The following SNX14 variants were observed in gnomAD, a reference collection of about 807,000 sequenced individuals.
The protein encoded by SNX14 is sorting nexin-14.
In SNX14, 93 loss-of-function variants were observed where a neutral mutation model predicts 133.8. That is an observed-to-expected ratio of 0.70 (90% CI 0.59 to 0.83). The LOEUF (loss-of-function observed/expected upper bound fraction) is 0.83. Ranked by LOEUF, SNX14 falls within the 40% of genes least tolerant of loss-of-function variation. The pLI is 0.00. For synonymous variants in SNX14, 368 were observed against 365.6 expected, an observed-to-expected ratio of 1.01 and a Z score of -0.07; for missense variants, 945 against 1,094.9, an observed-to-expected ratio of 0.86 and a Z score of 1.93.
intron 13 of SNX14, 53 bp from the exon 14 acceptor site, chr6:85,543,359 C>G (rs889964983): frequency 2.8e-6 from 4 of 1,451,860 alleles, no homozygotes; most frequent in Non-Finnish European, 3.7e-6. Flanking sequence ...TAAATATATA[C>G]AGTTCTAAAA....
At chr6:85,581,737 T>C (rs1477434870) in intron 1 of SNX14, 1 of 152,106 alleles carries the variant, frequency 6.6e-6, no homozygotes, top group Non-Finnish European at 1.5e-5. Context: ...CTCTTAATAG[T>C]AGAAGTGATC....
At chr6:85,507,918 C>T (rs778343684) in intron 27 of SNX14, 50 bp downstream of exon 27, 18 of 1,461,526 alleles carry the variant, frequency 1.2e-5, no homozygotes, top group East Asian at 4.6e-5. Context: ...CTTACTACGT[C>T]GTTCACCAAA....
intron 20 of SNX14, among the ~76,000 whole-genome samples, chr6:85,527,560 A>T (rs754972401): frequency 7.9e-5 from 12 of 152,112 alleles, no homozygotes; most frequent in Non-Finnish European, 1.5e-4. Flanking sequence ...AAAATATAAA[A>T]TTCCATGCCC....
intron 6 of SNX14, 27 bp from the exon 7 acceptor site, chr6:85,558,087 T>A: frequency 8.7e-7 from 1 of 1,150,434 alleles, no homozygotes; most frequent in Non-Finnish European, 1.3e-6. Flanking sequence ...TTAAAACTTT[T>A]AAAATAATTA....
chr6:85,579,237 C>T (rs1438466117), intron 1 of SNX14, among the ~76,000 whole-genome samples: 1 of 151,956 alleles, frequency 6.6e-6, no homozygotes, highest in Non-Finnish European at 1.5e-5. Flanking sequence ...AAGACAAGAG[C>T]CAGGTGCCGG....
rs1240120201 is a variant in SNX14, at chr6:85,514,541, G to T, written c.2357C>A (p.Thr786Asn). The change falls in exon 24 of 29, where the codon ACT (threonine) becomes AAT (asparagine). Residue 786 changes from threonine to asparagine, a missense_variant. Transcript: ENST00000314673. Reference protein sequence around the residue: ...QNQNYFMEVMTVEGVYDYLMY... With the variant: ...QNQNYFMEVMNVEGVYDYLMY... The stretch of plus-strand genomic sequence containing the variant: ...CAGGTAATCATAGACTCCTTCTACA[G>T]TCATCACCTCCATAAAATAATTCTG... The T allele has an allele frequency of 6.2e-7, 1 of 1,613,318 alleles. No individual in the cohort carries two copies.
At chr6:85,524,980 T>C (rs1398250760) in intron 21 of SNX14, among the ~76,000 whole-genome samples, 2 of 152,202 alleles carry the variant, frequency 1.3e-5, no homozygotes, top group Non-Finnish European at 2.9e-5. Flanking sequence ...ATGTATGTAC[T>C]ATATTAGTGG....
intron 19 of SNX14, 62 bp from the exon 20 acceptor site, chr6:85,528,424 T>TTA: frequency 4.5e-6 from 6 of 1,331,396 alleles, no homozygotes; most frequent in Non-Finnish European, 6.3e-6. Flanking sequence ...AACCTTAAAT[T>TTA]AGGTTTTAAA....
At chr6:85,586,056 A>G (rs748538668) in intron 1 of SNX14, among the ~76,000 whole-genome samples, 3 of 152,126 alleles carry the variant, frequency 2.0e-5, no homozygotes, top group South Asian at 2.1e-4. Flanking sequence ...TACCAAAAAT[A>G]CAAATGTGAG....
In SNX14 at chr6:85,514,009, A is replaced by G. The variant is rs982708352; in HGVS notation, c.2557+61T>C. Reference sequence around the variant, plus strand: ...AGCAAAACAAGATTTCTTCCTCTTTAGATTCAATTAAAATCATAGAGTACA... The same window carrying G: ...AGCAAAACAAGATTTCTTCCTCTTTGGATTCAATTAAAATCATAGAGTACA... On this transcript the variant is annotated intron_variant, in intron 25 of 28. Transcript: ENST00000314673. The G allele has an allele frequency of 2.6e-6, 4 of 1,566,850 alleles. No homozygotes were observed. The Admixed American group carries it at 7.8e-5, about 31-fold the overall frequency.
chr6:85,537,096 A>C, intron 16 of SNX14, 172 bp from the exon 17 acceptor site: 1 of 506,038 alleles, frequency 2.0e-6, no homozygotes, highest in Non-Finnish European at 3.2e-6. Context: ...ACATCTCAGA[A>C]GTCAAAAATG....
chr6:85,529,187 G>T (rs1041972421), intron 19 of SNX14, among the ~76,000 whole-genome samples: 2 of 152,122 alleles, frequency 1.3e-5, no homozygotes, highest in Non-Finnish European at 2.9e-5. Context: ...TTGAACCCAG[G>T]AGGCAGAGGT....
chr6:85,560,595 C>T (rs1456090000), intron 6 of SNX14, among the ~76,000 whole-genome samples: 3 of 152,108 alleles, frequency 2.0e-5, no homozygotes, highest in Admixed American at 6.5e-5. Flanking sequence ...TGCTAAAAAC[C>T]ATCAAATCAT....
chr6:85,513,258 T>C (rs1773588705), intron 26 of SNX14, among the ~76,000 whole-genome samples: 1 of 152,220 alleles, frequency 6.6e-6, no homozygotes, highest in Non-Finnish European at 1.5e-5. Context: ...ACCTACCAAC[T>C]TTACAGAGGA....
At chr6:85,589,225 CTTT>C (rs34164476) in intron 1 of SNX14, 615 of 130,814 alleles carry the variant, frequency 4.7e-3, no homozygotes, top group South Asian at 0.018. Flanking sequence ...TCTGGCACCA[CTTT>C]TTTTTTTTTT....
rs751764361 is a variant in SNX14, at chr6:85,514,113, T to A, written c.2514A>T (p.Leu838=). 1 of 1,613,736 alleles carries A rather than the reference T, an allele frequency of 6.2e-7. No homozygotes were observed. Among genetic ancestry groups the A allele is most frequent in the Non-Finnish European group, 8.5e-7 (1 of 1,179,882 alleles). Residue 838 remains leucine (L), a synonymous_variant, in exon 25 of 29, where the codon CTA becomes CTT. Transcript: ENST00000314673. ...GTGAGACCAAACGGTGCTCCTGAAA[T>A]AGCTGTTCTAGTTTACACTGAAGAT... The part of the protein sequence containing the change: ...DYYLQCKLEQ[L]FQEHRLVSLI...
intron 18 of SNX14, among the ~76,000 whole-genome samples, chr6:85,532,339 G>C (rs1780554065): frequency 1.3e-5 from 2 of 152,286 alleles, no homozygotes; most frequent in African/African-American, 4.8e-5. Context: ...TATGGTCTAA[G>C]ACCTGGACAG....
rs768252097 is a variant in SNX14, at chr6:85,593,651, T to G, written c.68A>C (p.Glu23Ala). The change falls in exon 1 of 29, where the codon GAG (glutamate) becomes GCG (alanine). Residue 23 changes from glutamate to alanine, a missense_variant. Physicochemically the swap from Glu to Ala is moderately radical, Grantham distance 107. Around this residue, in one of 3 missense-constraint regions of SNX14, gnomAD observed 514 missense variants for 538.8 expected, o/e 0.95. Transcript: ENST00000314673. The stretch of plus-strand genomic sequence containing the variant: ...GAACAGCGGGTACTGGCGGCAGATC[T>G]CGCGTCCCACGTCCAGTCGCAGCCG... ...KQRLRLDVGR[E>A]ICRQYPLFCF... 1.2e-6 allele frequency: 2 copies of G among 1,612,820 alleles called. No individual in the cohort carries two copies.
At position 85,533,800 on chromosome 6, in the gene SNX14, T is replaced by G; in HGVS notation, c.1609A>C (p.Ile537Leu). 1 of 1,609,018 alleles carries G rather than the reference T, an allele frequency of 6.2e-7. No homozygotes were observed. Among genetic ancestry groups the G allele is most frequent in the Non-Finnish European group, 8.5e-7 (1 of 1,178,870 alleles). ...TCCATTACAACAATACCTTCTTCAATCTGGAAAAAAATTACCAGGATGAAT... is the reference window on the plus strand; with the variant it reads ...TCCATTACAACAATACCTTCTTCAAGCTGGAAAAAAATTACCAGGATGAAT... ...YGVAEGEDDF[I>L]EEGIVVMEDD... Residue 537 changes from isoleucine to leucine, a missense_variant and splice_region_variant, in exon 18 of 29, where the codon ATT becomes CTT. This residue lies in a region of SNX14 where 412 missense variants were observed against 516.6 expected (regional missense o/e 0.80). Transcript: ENST00000314673.
Sources: allele counts gnomAD v4.1 joint callset (sites outside exome capture counted in the v4.1 genomes callset), GRCh38; gene constraint gnomAD v4.1.1; regional missense constraint gnomAD v4.1.1; transcripts MANE v1.5; gene names NCBI Gene and HGNC (gene_info 2026-07-23, HGNC 2026-07-21).